Variants in AGBL5 observed in about 807,000 individuals in gnomAD.
AGBL5 encodes AGBL carboxypeptidase 5.
Under a neutral mutation model 88.0 loss-of-function variants are expected in AGBL5, and 51 were observed. That is an observed-to-expected ratio of 0.58 (90% CI 0.46 to 0.73). The LOEUF (loss-of-function observed/expected upper bound fraction) is 0.73. AGBL5 is among the 30% of genes least tolerant of loss of function. AGBL5 has a pLI of 0.00. For synonymous variants in AGBL5, 446 were observed against 438.8 expected, an observed-to-expected ratio of 1.02 and a Z score of -0.21; for missense variants, 1,031 against 1,162.2, an observed-to-expected ratio of 0.89 and a Z score of 1.64.
rs1170831979 is a variant in AGBL5 at position 27,054,778 on chromosome 2, C to A, written c.700C>A (p.Pro234Thr). 3 of 1,613,176 alleles carry A rather than the reference C, an allele frequency of 1.9e-6. No homozygotes were observed. Among genetic ancestry groups the A allele is most frequent in the Admixed American group, 1.7e-5 (1 of 59,922 alleles). Residue 234 changes from proline (P) to threonine (T), a missense_variant, in exon 5 of 15, where the codon CCT becomes ACT. Coordinates refer to ENST00000360131, the MANE Select transcript of AGBL5 (RefSeq NM_021831.6). ...LEQLFPDTST[P>T]RPFRFAGKRI... The stretch of plus-strand genomic sequence containing the variant: ...GCAGCTATTTCCTGATACCAGCACC[C>A]CTCGACCATTCCGTTTCGCAGGCAA...
chr2:27,054,100 C>G (rs759164893), intron 4 of AGBL5, 41 bp downstream of exon 4: 1 of 1,558,490 alleles, frequency 6.4e-7, no homozygotes, highest in South Asian at 1.2e-5. Flanking sequence ...AGTCCTGGAT[C>G]AGACAGCACC....
intron 12 of AGBL5, chr2:27,067,978 C>A: frequency 2.5e-6 from 1 of 406,126 alleles, no homozygotes; most frequent in Non-Finnish European, 4.7e-6. Flanking sequence ...CAACACTAGA[C>A]AAAACAGGAG....
chr2:27,066,346 A>G (rs1200903810), intron 11 of AGBL5, among the ~76,000 whole-genome samples: 1 of 152,124 alleles, frequency 6.6e-6, no homozygotes, highest in East Asian at 1.9e-4. Context: ...CAAGGTTTCT[A>G]GCAGTTGGGT....
At position 27,056,618 on chromosome 2, in the gene AGBL5, A is replaced by C. The variant is rs376368876; in HGVS notation, c.1366-5A>C. ...CTTCTGAGTTGACTTTTCTTCCCCA[A>C]ACAGGTGGAAAACATGCTATATCCA... is the stretch of plus-strand genomic sequence containing the variant. On this transcript the variant is annotated splice_polypyrimidine_tract_variant and splice_region_variant and intron_variant, in intron 7 of 14. Coordinates refer to ENST00000360131, the MANE Select transcript of AGBL5 (RefSeq NM_021831.6). 1.3e-5 allele frequency: 20 copies of C among 1,590,590 alleles called. No individual in the cohort carries two copies. The East Asian group carries it at 4.3e-4, about 34-fold the overall frequency.
rs551588928 is a variant in AGBL5, at chr2:27,058,701, A to G, written c.1874+99A>G. On this transcript the variant is annotated intron_variant, in intron 10 of 14. Transcript: ENST00000360131. ...ATTTATATTCCTTCCATCCTCCTCA[A>G]AGTGCCAAATGGCAAATATCTTCAG... 2.7e-5 allele frequency: 36 copies of G among 1,335,636 alleles called. No individual in the cohort carries two copies. In the African/African-American group the frequency reaches 4.5e-4, roughly 17 times the overall value. 82.7% of individuals were successfully genotyped at this position (1,335,636 alleles called of 1,614,324 possible).
At chr2:27,059,901 C>T (rs897422793) in intron 11 of AGBL5, among the ~76,000 whole-genome samples, 10 of 152,160 alleles carry the variant, frequency 6.6e-5, no homozygotes, top group African/African-American at 2.4e-4. Context: ...ATAATCCCAG[C>T]ACTATGGGAG....
Position 27,054,013 on chromosome 2 carries a change from A to C in AGBL5, c.505A>C (p.Asn169His), listed in dbSNP as rs770666370. ...CTACAGTGACTGCCAGGAACTGCTA[A>C]ACCAGCTAGACCAGCGCTTTCCGGA... ...FSYSDCQELL[N>H]QLDQRFPENH... Residue 169 changes from asparagine to histidine, a missense_variant, in exon 4 of 15, where the codon AAC becomes CAC. By Grantham distance (68) the Asn-to-His change is moderately conservative. Transcript: ENST00000360131. 1 of 1,614,142 alleles carries C rather than the reference A, an allele frequency of 6.2e-7. No individual in the cohort carries two copies. The highest frequency in any genetic ancestry group is 8.5e-7 in the Non-Finnish European group (1 of 1,180,004).
In AGBL5 at chr2:27,053,123, C is replaced by T. The variant is rs755574098; in HGVS notation, c.165C>T (p.Asn55=). 6 of 1,611,906 alleles carry T rather than the reference C, an allele frequency of 3.7e-6. No homozygotes were observed. The highest frequency in any genetic ancestry group is 4.2e-6 in the Non-Finnish European group (5 of 1,178,734). ...GIASSPDYEF[N]VWTRPDCAET... is the part of the protein sequence containing the mutation. ...CCTCTTCCCCTGACTATGAATTCAA[C>T]GTGTGGACCCGACCAGACTGTGCTG... is the stretch of plus-strand genomic sequence containing the variant. Residue 55 remains asparagine, a synonymous_variant, in exon 2 of 15, where the codon AAC becomes AAT. Transcript: ENST00000360131. The surrounding 1 kb of genome is among the most constrained non-coding windows in gnomAD (Gnocchi z 4.9).
intron 7 of AGBL5, chr2:27,056,378 G>A (rs1668434474): frequency 5.0e-6 from 3 of 595,452 alleles, no homozygotes; most frequent in South Asian, 5.4e-5. Flanking sequence ...GCTAGAGTCT[G>A]GGAATCCAGA....
chr2:27,067,223 T>A (rs1442464049), intron 11 of AGBL5, among the ~76,000 whole-genome samples: 2 of 149,240 alleles, frequency 1.3e-5, no homozygotes, highest in Non-Finnish European at 3.0e-5. Context: ...TGTGCACTTC[T>A]TCAGCCTGGA....
At position 27,053,196 on chromosome 2, in the gene AGBL5, T is replaced by C; in HGVS notation, c.215+23T>C. ...CAGGTATATGGAACGAAATGGAGGG[T>C]GGAAAAAGGCTCCAAACCCATGCTT... On this transcript the variant is annotated intron_variant, in intron 2 of 14. Coordinates refer to ENST00000360131, the MANE Select transcript of AGBL5 (RefSeq NM_021831.6). The surrounding 1 kb of genome is among the most constrained non-coding windows in gnomAD (Gnocchi z 4.9). The C allele has an allele frequency of 6.4e-7, 1 of 1,558,876 alleles. No homozygotes were observed. Among genetic ancestry groups the C allele is most frequent in the East Asian group, 2.3e-5 (1 of 44,156 alleles).
rs183813669 is a variant in AGBL5, at chr2:27,056,126, T to C, written c.1353T>C (p.Asp451=). Reference sequence around the variant, plus strand: ...TCATGTACGGAAACAGCTTTAGTGATGAGAGCACCCAGGTGGGAATCCTAA... The same window carrying C: ...TCATGTACGGAAACAGCTTTAGTGACGAGAGCACCCAGGTGGGAATCCTAA... ...GCFMYGNSFS[D]ESTQVENMLY... is the part of the protein sequence containing the mutation. Residue 451 remains aspartate, a synonymous_variant, in exon 7 of 15, where the codon GAT becomes GAC. Coordinates refer to ENST00000360131, the MANE Select transcript of AGBL5 (RefSeq NM_021831.6). The C allele has an allele frequency of 6.2e-7, 1 of 1,611,156 alleles. No individual in the cohort carries two copies. The highest frequency in any genetic ancestry group is 2.2e-5 in the East Asian group (1 of 44,788).
In AGBL5 at chr2:27,055,088, G is replaced by A. The variant is rs769255452; in HGVS notation, c.743G>A (p.Ser248Asn). The change falls in exon 6 of 15, where the codon AGC becomes AAC. Residue 248 changes from serine to asparagine, a missense_variant. This residue lies in a region of AGBL5 where 540 missense variants were observed against 678.2 expected (regional missense o/e 0.80). Coordinates refer to ENST00000360131, the MANE Select transcript of AGBL5 (RefSeq NM_021831.6). ...TCTCTACCTCAGATATTCTTCTTAAGCAGTAGAGTACACCCAGGGGAGACT... is the reference window on the plus strand; with the variant it reads ...TCTCTACCTCAGATATTCTTCTTAAACAGTAGAGTACACCCAGGGGAGACT... ...RFAGKRIFFL[S>N]SRVHPGETPS... 6.2e-6 allele frequency: 10 copies of A among 1,613,908 alleles called. No homozygotes were observed. In the South Asian group the frequency reaches 1.1e-4, roughly 18 times the overall value.
chr2:27,057,616 A>AG (rs1558417075), intron 9 of AGBL5, among the ~76,000 whole-genome samples, 178 bp downstream of exon 9: 1 of 152,254 alleles, frequency 6.6e-6, no homozygotes, highest in Non-Finnish European at 1.5e-5. Context: ...TAGTATTGAA[A>AG]GGATGAACAG....
At position 27,057,273 on chromosome 2, in the gene AGBL5, G is replaced by A. The variant is rs143616306; in HGVS notation, c.1536-30G>A. ...GTTCTGTCCTGGTATCTGTTCAGGC[G>A]GGACACTGATAAAGGTCTTTATGTC... On this transcript the variant is annotated intron_variant, in intron 8 of 14. Transcript: ENST00000360131. 9.5e-4 allele frequency: 1,524 copies of A among 1,598,558 alleles called. 5 individuals are homozygous for A. The highest frequency in any genetic ancestry group is 1.2e-3 in the Non-Finnish European group (1,458 of 1,170,092).
At position 27,057,453 on chromosome 2, in the gene AGBL5, T is replaced by C. The variant is rs1164230976; in HGVS notation, c.1671+15T>C. Reference sequence around the variant, plus strand: ...TATTTGAGCAGGTATGAATACATGGTGTAAGTGGGAAAAGGGAGAAACCTT... The same window carrying C: ...TATTTGAGCAGGTATGAATACATGGCGTAAGTGGGAAAAGGGAGAAACCTT... On this transcript the variant is annotated intron_variant, in intron 9 of 14. Coordinates refer to ENST00000360131, the MANE Select transcript of AGBL5 (RefSeq NM_021831.6). 1 of 1,584,054 alleles carries C rather than the reference T, an allele frequency of 6.3e-7. No homozygotes were observed. Among genetic ancestry groups the C allele is most frequent in the Non-Finnish European group, 8.6e-7 (1 of 1,161,342 alleles).
Position 27,054,329 on chromosome 2 carries a change from C to T in AGBL5, c.551+270C>T, listed in dbSNP as rs975202232. 9.1e-6 allele frequency: 5 copies of T among 551,988 alleles called. No individual in the cohort carries two copies. The African/African-American group carries it at 9.5e-5, about 11-fold the overall frequency. 34.2% of individuals were successfully genotyped at this position (551,988 alleles called of 1,614,324 possible). A position where few individuals can be genotyped will look rare whatever the true frequency, so the allele number is the denominator to read the frequency against. On this transcript the variant is annotated intron_variant, in intron 4 of 14. Transcript: ENST00000360131. ...CATTAATTATCCAGAGTTTAGCCAG[C>T]ATTATGTGACTCAGTATACCTTTTT...
rs1161216519 is a variant in AGBL5, at chr2:27,069,701, A to G, written c.2484A>G (p.Thr828=). 2 of 1,613,782 alleles carry G rather than the reference A, an allele frequency of 1.2e-6. No homozygotes were observed. The highest frequency in any genetic ancestry group is 1.7e-6 in the Non-Finnish European group (2 of 1,179,780). ...SELELGSCSA[T]PGLPQARPPR... is the part of the protein sequence containing the mutation. Reference sequence around the variant, plus strand: ...TGGAGCTGGGATCCTGCTCTGCTACACCAGGGTGAGCACTTGGGTCCAGTC... The same window carrying G: ...TGGAGCTGGGATCCTGCTCTGCTACGCCAGGGTGAGCACTTGGGTCCAGTC... Residue 828 remains threonine (T), a synonymous_variant, in exon 14 of 15, where the codon ACA becomes ACG. Transcript: ENST00000360131.
intron 6 of AGBL5, 114 bp from the exon 7 acceptor site, chr2:27,055,568 C>G (rs1475638290): frequency 1.0e-6 from 1 of 989,860 alleles, no homozygotes; most frequent in African/African-American, 1.6e-5. Flanking sequence ...CCTAACATAG[C>G]TTCAGCCTCT....
Sources: gnomAD v4.1 joint callset for allele counts (sites outside exome capture counted in the v4.1 genomes callset) on GRCh38, gnomAD v4.1.1 for gene constraint, gnomAD v4.1.1 regional missense constraint, Gnocchi (gnomAD v3.1) non-coding constraint, MANE v1.5 for transcripts, NCBI Gene and HGNC (gene_info 2026-07-23, HGNC 2026-07-21) for gene names.